C8orf34: variants seen among roughly 807,000 people sequenced by gnomAD.
The protein encoded by C8orf34 is chromosome 8 open reading frame 34.
A neutral mutation model predicts 68.3 loss-of-function variants in C8orf34; 65 were observed. The ratio of observed to expected loss-of-function variants is 0.95; its 90% confidence interval spans 0.78 to 1.17. The LOEUF is 1.17. Among genes scored for constraint, C8orf34 ranks in the 50% most tolerant of loss-of-function variants. C8orf34 has a pLI of 0.00. For missense variants in C8orf34, 664 were observed against 655.4 expected, an observed-to-expected ratio of 1.01 and a Z score of -0.14; for synonymous variants, 244 against 241.2, an observed-to-expected ratio of 1.01 and a Z score of -0.11.
rs557747708 is a variant in C8orf34 at position 68,426,851 on chromosome 8, A to G, written c.328-12648A>G. Among the ~76,000 whole-genome samples, 76 of 151,538 alleles carry G rather than the reference A, an allele frequency of 5.0e-4. No individual in the cohort carries two copies. In the South Asian group the frequency reaches 0.016, roughly 31 times the overall value. Reference sequence around the variant, plus strand: ...GCCATTGCACTCCAGCCTAGGCAACAAGAGTGAAACTCCGTCTAAAAAAAA... The same window carrying G: ...GCCATTGCACTCCAGCCTAGGCAACGAGAGTGAAACTCCGTCTAAAAAAAA... On this transcript the variant is annotated intron_variant, in intron 1 of 13. Coordinates refer to ENST00000518698, the MANE Select transcript of C8orf34 (RefSeq NM_052958.4).
At chr8:68,643,794 T>C (rs891843520) in intron 8 of C8orf34, among the ~76,000 whole-genome samples, 1 of 152,186 alleles carries the variant, frequency 6.6e-6, no homozygotes, top group Non-Finnish European at 1.5e-5. Context: ...ATTCAGACCA[T>C]ACCAATTAGT....
intron 7 of C8orf34, among the ~76,000 whole-genome samples, chr8:68,559,686 A>C (rs1816361706): frequency 6.6e-6 from 1 of 152,180 alleles, no homozygotes; most frequent in African/African-American, 2.4e-5. Context: ...AAAACACCTC[A>C]GCCTAAAAAA....
intron 11 of C8orf34, among the ~76,000 whole-genome samples, chr8:68,786,296 G>A (rs375540710): frequency 3.3e-5 from 5 of 151,810 alleles, no homozygotes; most frequent in South Asian, 4.2e-4. Context: ...TTTACCCTTC[G>A]TCCTCTCCTT....
intron 8 of C8orf34, among the ~76,000 whole-genome samples, chr8:68,645,123 C>G (rs1376877167): frequency 7.9e-5 from 12 of 152,112 alleles, no homozygotes; most frequent in African/African-American, 2.9e-4. Flanking sequence ...AGACGATCTG[C>G]TTTGGAGTGT....
At chr8:68,783,523 C>CA (rs775189886) in intron 11 of C8orf34, among the ~76,000 whole-genome samples, 4,697 of 51,322 alleles carry the variant, frequency 0.092, 327 homozygotes, top group African/African-American at 0.2. Flanking sequence ...GACTTCATCT[C>CA]AAAAAAAAAA....
intron 8 of C8orf34, among the ~76,000 whole-genome samples, chr8:68,645,153 CCA>C (rs796931753): frequency 9.1e-4 from 138 of 152,250 alleles, no homozygotes; most frequent in African/African-American, 3.1e-3. Flanking sequence ...GATCTGACAT[CCA>C]CACTCTAAAT....
At chr8:68,355,968 T>G (rs193027801) in intron 1 of C8orf34, among the ~76,000 whole-genome samples, 4 of 152,298 alleles carry the variant, frequency 2.6e-5, no homozygotes. Flanking sequence ...AAAATCATCT[T>G]GTTGGATGTA....
intron 3 of C8orf34, among the ~76,000 whole-genome samples, chr8:68,457,105 G>A (rs17383521): frequency 0.018 from 2,700 of 152,162 alleles, 44 homozygotes; most frequent in Non-Finnish European, 0.025. Flanking sequence ...ACTCTCAGTT[G>A]TTTTGTTTAT....
At chr8:68,680,921 G>T (rs894259673) in intron 8 of C8orf34, among the ~76,000 whole-genome samples, 2 of 152,072 alleles carry the variant, frequency 1.3e-5, no homozygotes, top group African/African-American at 4.8e-5. Flanking sequence ...CACTCCCAGA[G>T]CGGCCGTGTA....
intron 8 of C8orf34, among the ~76,000 whole-genome samples, chr8:68,644,081 T>A (rs1819094288): frequency 6.6e-6 from 1 of 152,170 alleles, no homozygotes; most frequent in Non-Finnish European, 1.5e-5. Context: ...TTCTAAACAT[T>A]TGGTAAGTGA....
chr8:68,767,339 C>T (rs1038051235), intron 10 of C8orf34, among the ~76,000 whole-genome samples: 1 of 152,146 alleles, frequency 6.6e-6, no homozygotes, highest in Non-Finnish European at 1.5e-5. Context: ...ATAGTTTTAT[C>T]ACCTAAATAT....
chr8:68,560,089 G>C (rs1240564214), intron 7 of C8orf34, among the ~76,000 whole-genome samples: 1 of 151,978 alleles, frequency 6.6e-6, no homozygotes, highest in Admixed American at 6.6e-5. Flanking sequence ...AAATGGTTTG[G>C]AAATCAGTGG....
At chr8:68,450,430 C>G (rs1811294296) in intron 3 of C8orf34, among the ~76,000 whole-genome samples, 1 of 152,012 alleles carries the variant, frequency 6.6e-6, no homozygotes, top group Non-Finnish European at 1.5e-5. Context: ...TGAAGTTTTT[C>G]AAGTTATTTG....
intron 7 of C8orf34, among the ~76,000 whole-genome samples, chr8:68,573,743 C>T (rs1816822424): frequency 6.6e-6 from 1 of 152,072 alleles, no homozygotes; most frequent in Admixed American, 6.6e-5. Context: ...GTGAATTCCC[C>T]TGGAATTGTT....
At chr8:68,716,212 T>A (rs1490961115) in intron 9 of C8orf34, among the ~76,000 whole-genome samples, 1 of 152,040 alleles carries the variant, frequency 6.6e-6, no homozygotes, top group African/African-American at 2.4e-5. Flanking sequence ...TTAGGTACAG[T>A]GTACACTGCT....
chr8:68,609,394 A>T (rs945905138), intron 7 of C8orf34, among the ~76,000 whole-genome samples: 5 of 152,142 alleles, frequency 3.3e-5, no homozygotes, highest in African/African-American at 1.2e-4. Context: ...TCCAGGAGAG[A>T]ACAGAGAATA....
intron 7 of C8orf34, among the ~76,000 whole-genome samples, chr8:68,541,967 T>C (rs1815717213): frequency 6.6e-6 from 1 of 152,112 alleles, no homozygotes; most frequent in African/African-American, 2.4e-5. Context: ...ATATATCTGG[T>C]TTTCTATTAT....
intron 1 of C8orf34, among the ~76,000 whole-genome samples, chr8:68,387,634 T>C (rs1030418968): frequency 6.6e-6 from 1 of 152,104 alleles, no homozygotes; most frequent in Admixed American, 6.6e-5. Context: ...AGATTTACCA[T>C]AGGCAAAAGA....
At chr8:68,782,128 G>A (rs16935041) in intron 11 of C8orf34, among the ~76,000 whole-genome samples, 9,623 of 152,024 alleles carry the variant, frequency 0.063, 535 homozygotes, top group East Asian at 0.3. Flanking sequence ...AATCACTTCC[G>A]CAATTTCATT....
Sources: gnomAD v4.1 joint callset for allele counts (sites outside exome capture counted in the v4.1 genomes callset) on GRCh38, gnomAD v4.1.1 for gene constraint, MANE v1.5 for transcripts, NCBI Gene and HGNC (gene_info 2026-07-23, HGNC 2026-07-21) for gene names.